The following PDE7B variants were observed in gnomAD, a reference collection of about 807,000 sequenced individuals.
The protein encoded by PDE7B is 3',5'-cyclic-AMP phosphodiesterase 7B.
In PDE7B, 29 loss-of-function variants were observed where a neutral mutation model predicts 56.2. That is an observed-to-expected ratio of 0.52 (90% CI 0.38 to 0.70). The LOEUF (loss-of-function observed/expected upper bound fraction) is 0.70, where lower values mean the gene tolerates loss of function less well. PDE7B is among the 30% of genes least tolerant of loss of function. The pLI is 0.00. For synonymous variants in PDE7B, 197 were observed against 196.9 expected (o/e 1.00, Z 0.00); for missense variants, 490 against 565.0 (o/e 0.87, Z 1.35).
At chr6:135,940,985 T>A (rs1347043554) in intron 1 of PDE7B, among the ~76,000 whole-genome samples, 4 of 152,242 alleles carry the variant, frequency 2.6e-5, no homozygotes, top group Non-Finnish European at 5.9e-5. Context: ...TCCCAATAGA[T>A]ATATCAGCAT....
intron 1 of PDE7B, among the ~76,000 whole-genome samples, chr6:135,922,835 C>T (rs535759202): frequency 6.6e-6 from 1 of 152,238 alleles, no homozygotes; most frequent in South Asian, 2.1e-4. Flanking sequence ...ACCATAAATA[C>T]CTTGCTTTAT....
At chr6:136,187,208 A>T in intron 12 of PDE7B, 92 bp downstream of exon 12, 1 of 729,162 alleles carries the variant, frequency 1.4e-6, no homozygotes, top group Non-Finnish European at 2.4e-6. Context: ...CTTTCAAAAG[A>T]TCAGCACTGG....
At chr6:136,021,387 G>A (rs1471653430) in intron 2 of PDE7B, among the ~76,000 whole-genome samples, 1 of 152,184 alleles carries the variant, frequency 6.6e-6, no homozygotes, top group East Asian at 1.9e-4. Context: ...GCTCACGCCT[G>A]TAATCCCAGC....
chr6:136,057,527 C>T (rs1776759118), intron 2 of PDE7B, among the ~76,000 whole-genome samples: 1 of 152,138 alleles, frequency 6.6e-6, no homozygotes, highest in Admixed American at 6.5e-5. Context: ...TGTCAAATTA[C>T]ATGCAAAAGT....
intron 1 of PDE7B, among the ~76,000 whole-genome samples, chr6:135,908,792 T>C (rs1168038871): frequency 6.6e-6 from 1 of 152,116 alleles, no homozygotes; most frequent in East Asian, 1.9e-4. Flanking sequence ...GGAATACCTA[T>C]GTAGGTGGGT....
At chr6:136,052,451 GGA>G (rs960648977) in intron 2 of PDE7B, among the ~76,000 whole-genome samples, 29 of 152,274 alleles carry the variant, frequency 1.9e-4, no homozygotes, top group Admixed American at 1.6e-3. Flanking sequence ...AACCAGCTGG[GGA>G]GAGTTTTGCA....
intron 3 of PDE7B, among the ~76,000 whole-genome samples, chr6:136,121,356 G>C (rs13206884): frequency 6.6e-6 from 1 of 152,124 alleles, no homozygotes; most frequent in Admixed American, 6.5e-5. Context: ...GTAAGGAAAA[G>C]AATTCCCCAT....
chr6:136,102,176 G>GGT (rs1185812903), intron 2 of PDE7B, among the ~76,000 whole-genome samples: 1 of 151,954 alleles, frequency 6.6e-6, no homozygotes, highest in Admixed American at 6.5e-5. Context: ...CTTGTCACAA[G>GGT]GACTAAAGGT....
chr6:135,937,182 G>A (rs776688393), intron 1 of PDE7B, among the ~76,000 whole-genome samples: 3 of 152,210 alleles, frequency 2.0e-5, no homozygotes, highest in African/African-American at 7.2e-5. Flanking sequence ...GTCAGCAAAC[G>A]TGGCTGCTGC....
intron 2 of PDE7B, among the ~76,000 whole-genome samples, chr6:135,962,688 T>C (rs1416831330): frequency 2.6e-5 from 4 of 152,178 alleles, no homozygotes; most frequent in Non-Finnish European, 5.9e-5. Flanking sequence ...TATGCATAAA[T>C]AGAGAGGTGG....
At chr6:136,122,024 C>A (rs973780320) in intron 3 of PDE7B, among the ~76,000 whole-genome samples, 2 of 151,452 alleles carry the variant, frequency 1.3e-5, no homozygotes, top group African/African-American at 4.9e-5. Flanking sequence ...GAGACGGAGT[C>A]TTGCTGTGTC....
At chr6:136,108,424 CTT>C (rs1411855983) in intron 2 of PDE7B, among the ~76,000 whole-genome samples, 1 of 152,040 alleles carries the variant, frequency 6.6e-6, no homozygotes, top group Non-Finnish European at 1.5e-5. Flanking sequence ...GATTCAGAGT[CTT>C]TGTCTCTGTG....
intron 3 of PDE7B, among the ~76,000 whole-genome samples, chr6:136,133,661 CATA>C (rs1019915374): frequency 2.0e-5 from 3 of 152,086 alleles, no homozygotes; most frequent in African/African-American, 4.8e-5. Flanking sequence ...AGCTAGGCAC[CATA>C]ATAATAATAG....
chr6:135,979,258 G>A (rs1775250473), intron 2 of PDE7B, among the ~76,000 whole-genome samples: 1 of 151,616 alleles, frequency 6.6e-6, no homozygotes, highest in Admixed American at 6.6e-5. Flanking sequence ...GCTTTTTGAT[G>A]TGCTGCTGGA....
intron 3 of PDE7B, among the ~76,000 whole-genome samples, chr6:136,111,907 T>G (rs540596381): frequency 1.3e-5 from 2 of 152,296 alleles, no homozygotes; most frequent in East Asian, 3.9e-4. Flanking sequence ...AGTTTTGTTC[T>G]CTCTCCCACA....
chr6:136,181,762 A>C (rs1339474711), intron 11 of PDE7B, among the ~76,000 whole-genome samples: 2 of 106,560 alleles, frequency 1.9e-5, no homozygotes, highest in African/African-American at 3.2e-4. Flanking sequence ...TTGCTTTCTT[A>C]AAAAAAAAAA....
intron 11 of PDE7B, among the ~76,000 whole-genome samples, chr6:136,185,895 C>T (rs911965581): frequency 4.6e-5 from 7 of 152,066 alleles, no homozygotes; most frequent in African/African-American, 1.7e-4. Flanking sequence ...CATAACTGAA[C>T]CTTCCACTCA....
At chr6:135,960,159 T>C (rs1398553761) in intron 2 of PDE7B, among the ~76,000 whole-genome samples, 2 of 152,140 alleles carry the variant, frequency 1.3e-5, no homozygotes, top group East Asian at 1.9e-4. Context: ...CCCAGACTGG[T>C]CTACTTCCTA....
chr6:135,951,851 A>G (rs762386908), intron 2 of PDE7B, among the ~76,000 whole-genome samples: 1 of 152,170 alleles, frequency 6.6e-6, no homozygotes, highest in Non-Finnish European at 1.5e-5. Context: ...ATAACTTAGA[A>G]GGGAGTATTC....
Sources: gnomAD v4.1 joint callset for allele counts (sites outside exome capture counted in the v4.1 genomes callset) on GRCh38, gnomAD v4.1.1 for gene constraint, MANE v1.5 for transcripts, NCBI Gene and HGNC (gene_info 2026-07-23, HGNC 2026-07-21) for gene names.